RCHY1: variants seen among roughly 807,000 people sequenced by gnomAD.
The protein encoded by RCHY1 is RING finger and CHY zinc finger domain-containing protein 1.
RCHY1 carries 21 observed loss-of-function variants against 41.6 expected under a neutral mutation model. The ratio of observed to expected loss-of-function variants is 0.51; its 90% CI spans 0.36 to 0.73. The LOEUF (loss-of-function observed/expected upper bound fraction) is 0.73. RCHY1 is among the 30% of genes least tolerant of loss of function. The pLI, the probability that RCHY1 is intolerant of heterozygous loss-of-function variation, is 0.00. For missense variants in RCHY1, 265 were observed against 325.3 expected, an observed-to-expected ratio of 0.81 and a Z score of 1.43; for synonymous variants, 79 against 102.9, an observed-to-expected ratio of 0.77 and a Z score of 1.41.
At chr4:75,487,347 CTT>C (rs893333186) in intron 8 of RCHY1, among the ~76,000 whole-genome samples, 3 of 150,026 alleles carry the variant, frequency 2.0e-5, no homozygotes, top group African/African-American at 7.3e-5. Context: ...TGTCTCAGGA[CTT>C]TTAATTGTTT....
chr4:75,494,366 AC>A, intron 3 of RCHY1, 187 bp from the exon 4 acceptor site: 1 of 510,098 alleles, frequency 2.0e-6, no homozygotes, highest in South Asian at 3.0e-5. Flanking sequence ...AGTGGTATCT[AC>A]CCTTCTAGGG....
intron 7 of RCHY1, 185 bp downstream of exon 7, chr4:75,491,426 A>G: frequency 2.1e-6 from 1 of 470,650 alleles, no homozygotes; most frequent in Non-Finnish European, 3.8e-6. Context: ...ACATATGGCA[A>G]AAGTGTAGTT....
intron 3 of RCHY1, among the ~76,000 whole-genome samples, chr4:75,503,678 T>C (rs530898157): frequency 2.0e-5 from 3 of 151,258 alleles, no homozygotes; most frequent in East Asian, 2.0e-4. Context: ...GGTGACAGAG[T>C]GGGACTCCAT....
chr4:75,514,392 T>G lies in RCHY1; in HGVS notation c.-106A>C, dbSNP rs1297225147. 3.1e-6 allele frequency: 4 copies of G among 1,292,296 alleles called. No individual in the cohort carries two copies. The highest frequency in any genetic ancestry group is 4.7e-5 in the Admixed American group (2 of 42,134). The allele number at this position is 1,292,296 out of a possible 1,614,324, so 80.1% of individuals were successfully genotyped here. A position where few individuals can be genotyped will look rare whatever the true frequency, so the allele number is the denominator to read the frequency against. ...CACCCCTCCCAGCCCCAGCGGCCAC[T>G]AGCGACAATATGGCTCCTAAGCACG... is the stretch of plus-strand genomic sequence containing the variant. On this transcript the variant is annotated 5_prime_UTR_variant, in exon 1 of 9. Transcript: ENST00000324439.
At position 75,491,600 on chromosome 4, in the gene RCHY1, CA is replaced by C; in HGVS notation, c.536+10del. 1 of 1,598,522 alleles carries C rather than the reference CA, an allele frequency of 6.3e-7. No individual in the cohort carries two copies. Among genetic ancestry groups the C allele is most frequent in the Non-Finnish European group, 8.6e-7 (1 of 1,167,446 alleles). On this transcript the variant is annotated intron_variant, in intron 7 of 8. Transcript: ENST00000324439. ...CATCTTACAATTATTTTTAAAATCC[CA>C]AACACTCACTCTTTCAACATTTCTT...
chr4:75,503,486 G>A (rs1723990642), intron 3 of RCHY1, among the ~76,000 whole-genome samples: 1 of 152,132 alleles, frequency 6.6e-6, no homozygotes, highest in African/African-American at 2.4e-5. Context: ...CACGAGGTCA[G>A]GAGATCAAGA....
Position 75,487,977 on chromosome 4 carries a change from C to A in RCHY1, c.657+2604G>T, listed in dbSNP as rs1722394982. 4.8e-5 allele frequency among the ~76,000 whole-genome samples: 7 copies of A among 145,508 alleles called. No homozygotes were observed. The South Asian group carries it at 1.1e-3, about 22-fold the overall frequency. ...ACACACTTGACAAGCTTCCCAAAAT[C>A]AAATTTCAACTTCAAAATTAAGTCT... On this transcript the variant is annotated intron_variant, in intron 8 of 8. Transcript: ENST00000324439.
chr4:75,511,773 C>T (rs1724902259), intron 1 of RCHY1, among the ~76,000 whole-genome samples: 1 of 150,066 alleles, frequency 6.7e-6, no homozygotes, highest in Non-Finnish European at 1.5e-5. Flanking sequence ...CAATACTAAA[C>T]AGTGCTTTTC....
intron 3 of RCHY1, among the ~76,000 whole-genome samples, chr4:75,495,132 ATTTAC>A (rs1723080821): frequency 6.6e-6 from 1 of 151,794 alleles, no homozygotes; most frequent in South Asian, 2.1e-4. Context: ...CATATTTTAT[ATTTAC>A]TTTTCTGGTC....
At chr4:75,513,447 G>A (rs1725165870) in intron 1 of RCHY1, among the ~76,000 whole-genome samples, 1 of 152,018 alleles carries the variant, frequency 6.6e-6, no homozygotes, top group Admixed American at 6.6e-5. Flanking sequence ...TTTTACATAC[G>A]GGGTAGAGAG....
chr4:75,509,106 T>G, intron 2 of RCHY1, 71 bp downstream of exon 2: 1 of 1,424,884 alleles, frequency 7.0e-7, no homozygotes, highest in Non-Finnish European at 9.6e-7. Context: ...TTATGATACT[T>G]TTGATTAAAT....
At chr4:75,496,290 T>C (rs1292454785) in intron 3 of RCHY1, among the ~76,000 whole-genome samples, 3 of 152,044 alleles carry the variant, frequency 2.0e-5, no homozygotes, top group Admixed American at 6.6e-5. Flanking sequence ...TGCTCATTTA[T>C]TGCCTAGAGA....
rs185699147 is a variant in RCHY1, at chr4:75,503,565, A to T, written c.326+5255T>A. ...CAAAAATTAGCTGGCTGTGGTGGCGAGTGCCTGTAATCCCAGCTACTAGGG... is the reference window on the plus strand; with the variant it reads ...CAAAAATTAGCTGGCTGTGGTGGCGTGTGCCTGTAATCCCAGCTACTAGGG... On this transcript the variant is annotated intron_variant, in intron 3 of 8. Coordinates refer to ENST00000324439, the MANE Select transcript of RCHY1 (RefSeq NM_015436.4). 1.7e-4 allele frequency among the ~76,000 whole-genome samples: 26 copies of T among 152,020 alleles called. No individual in the cohort carries two copies. The East Asian group carries it at 5.0e-3, about 29-fold the overall frequency.
chr4:75,490,381 ATTC>A (rs1319506214), intron 8 of RCHY1, among the ~76,000 whole-genome samples, 197 bp downstream of exon 8: 1 of 152,046 alleles, frequency 6.6e-6, no homozygotes, highest in Non-Finnish European at 1.5e-5. Context: ...ACATAAAGGT[ATTC>A]TTAAGACTTT....
chr4:75,513,940 C>A, intron 1 of RCHY1: 1 of 360,636 alleles, frequency 2.8e-6, no homozygotes, highest in Non-Finnish European at 4.9e-6. Context: ...CGAATAAGCC[C>A]ACTGGCAGAG....
chr4:75,507,670 G>A (rs892820231), intron 3 of RCHY1, among the ~76,000 whole-genome samples: 9 of 152,024 alleles, frequency 5.9e-5, no homozygotes, highest in Non-Finnish European at 1.3e-4. Flanking sequence ...AAAACTCATC[G>A]AAAGAAAGCT....
chr4:75,492,601 C>A (rs951748383), intron 4 of RCHY1, among the ~76,000 whole-genome samples: 1 of 151,894 alleles, frequency 6.6e-6, no homozygotes, highest in African/African-American at 2.4e-5. Context: ...AGGGAAAGCA[C>A]TGTGCCATGG....
intron 1 of RCHY1, among the ~76,000 whole-genome samples, chr4:75,512,907 G>A (rs962248197): frequency 7.9e-6 from 1 of 126,594 alleles, no homozygotes; most frequent in Non-Finnish European, 1.7e-5. Flanking sequence ...ATTTAAGGGG[G>A]GGGGGGGGGC....
rs1721538034 is a variant in RCHY1 at position 75,481,727 on chromosome 4, A to C, written c.*811T>G. ...ACTGTTGTCTCTACAGCATCTAGAAACATATCTGCCACATAGCAGTTGCTC... is the reference window on the plus strand; with the variant it reads ...ACTGTTGTCTCTACAGCATCTAGAACCATATCTGCCACATAGCAGTTGCTC... On this transcript the variant is annotated 3_prime_UTR_variant, in exon 9 of 9. Coordinates refer to ENST00000324439, the MANE Select transcript of RCHY1 (RefSeq NM_015436.4). 2 of 152,198 alleles carry C rather than the reference A, an allele frequency of 1.3e-5. No individual in the cohort carries two copies. The highest frequency in any genetic ancestry group is 4.1e-4 in the South Asian group (2 of 4,830). The allele number at this position is 152,198 out of a possible 1,614,324, so 9.4% of individuals were successfully genotyped here.
Sources: allele counts gnomAD v4.1 joint callset (sites outside exome capture counted in the v4.1 genomes callset), GRCh38; gene constraint gnomAD v4.1.1; transcripts MANE v1.5; gene names NCBI Gene and HGNC (gene_info 2026-07-23, HGNC 2026-07-21).